Variants in RAB11FIP4 observed in about 807,000 individuals in gnomAD.
The protein encoded by RAB11FIP4 is RAB11 family interacting protein 4.
RAB11FIP4 carries 23 observed loss-of-function variants against 74.3 expected under a neutral mutation model. The ratio of observed to expected loss-of-function variants is 0.31; its 90% CI spans 0.22 to 0.44. The LOEUF is 0.44. RAB11FIP4 is among the 20% of genes least tolerant of loss of function. RAB11FIP4 has a pLI of 1.00. For missense variants in RAB11FIP4, 630 were observed against 863.9 expected (o/e 0.73, Z 3.39); for synonymous variants, 360 against 359.9 (o/e 1.00, Z 0.00).
At chr17:31,531,489 A>G in intron 14 of RAB11FIP4, 127 bp from the exon 15 acceptor site, 1 of 688,532 alleles carries the variant, frequency 1.5e-6, no homozygotes, top group Admixed American at 2.3e-5. Flanking sequence ...CCTGGGGCCC[A>G]CCTTGCCCAG....
intron 3 of RAB11FIP4, among the ~76,000 whole-genome samples, chr17:31,489,674 C>T (rs183503170): frequency 2.0e-5 from 3 of 152,326 alleles, no homozygotes; most frequent in African/African-American, 7.2e-5. Context: ...CCCAGCTCTT[C>T]TAAGTTGATT....
intron 3 of RAB11FIP4, among the ~76,000 whole-genome samples, chr17:31,503,901 T>C (rs1243510984): frequency 2.0e-5 from 3 of 149,684 alleles, no homozygotes; most frequent in Non-Finnish European, 2.9e-5. Context: ...AAGATCCGAA[T>C]AGACATTTCT....
At chr17:31,471,997 C>T (rs2071741754) in intron 3 of RAB11FIP4, among the ~76,000 whole-genome samples, 1 of 152,052 alleles carries the variant, frequency 6.6e-6, no homozygotes, top group Admixed American at 6.5e-5. Flanking sequence ...CCCATCTCTA[C>T]TAAAAATACA....
At position 31,537,397 on chromosome 17, in the gene RAB11FIP4, C is replaced by T. The variant is rs900934674; in HGVS notation, c.*5665C>T. 6 of 394,992 alleles carry T rather than the reference C, an allele frequency of 1.5e-5. No individual in the cohort carries two copies. In the East Asian group the frequency reaches 1.8e-4, roughly 12 times the overall value. 24.5% of individuals were successfully genotyped at this position (394,992 alleles called of 1,614,324 possible). On this transcript the variant is annotated 3_prime_UTR_variant, in exon 15 of 15. Transcript: ENST00000621161. ...TTGTCTTAAGCATGGGGGGCTAGGA[C>T]CCACTTAGTCCCTCCTCCAGCCTGC... is the stretch of plus-strand genomic sequence containing the variant.
chr17:31,424,576 ATT>A (rs71142050), intron 1 of RAB11FIP4, among the ~76,000 whole-genome samples: 1,504 of 124,548 alleles, frequency 0.012, 15 homozygotes, highest in Middle Eastern at 0.029. Flanking sequence ...CACCCAGCTA[ATT>A]TTTTTTTTTT....
chr17:31,402,490 A>G (rs1353572201), intron 1 of RAB11FIP4, among the ~76,000 whole-genome samples: 3 of 152,148 alleles, frequency 2.0e-5, no homozygotes, highest in Non-Finnish European at 2.9e-5. Context: ...CCTGCCCTCT[A>G]TGGAATCAAC....
At chr17:31,428,532 G>A (rs117253608) in intron 1 of RAB11FIP4, among the ~76,000 whole-genome samples, 1,582 of 152,170 alleles carry the variant, frequency 0.01, 70 homozygotes, top group East Asian at 0.081. Context: ...AGATACTGAT[G>A]GTGATTATTA....
intron 3 of RAB11FIP4, among the ~76,000 whole-genome samples, chr17:31,514,092 G>T (rs2072502031): frequency 6.6e-6 from 1 of 152,258 alleles, no homozygotes; most frequent in Non-Finnish European, 1.5e-5. Context: ...CGAGGAGGTG[G>T]TGGTCTTCTT....
At chr17:31,427,784 G>A (rs1372479624) in intron 1 of RAB11FIP4, among the ~76,000 whole-genome samples, 4 of 152,216 alleles carry the variant, frequency 2.6e-5, no homozygotes, top group African/African-American at 9.7e-5. Flanking sequence ...AAAGGCAGGA[G>A]GAGAGGAGGC....
At chr17:31,445,422 TAAG>T (rs1203939186) in intron 3 of RAB11FIP4, among the ~76,000 whole-genome samples, 2 of 151,080 alleles carry the variant, frequency 1.3e-5, no homozygotes, top group Admixed American at 6.6e-5. Context: ...TGGCCATTCC[TAAG>T]AAGGACACTC....
chr17:31,488,856 G>T (rs1783466122), intron 3 of RAB11FIP4, among the ~76,000 whole-genome samples: 1 of 152,136 alleles, frequency 6.6e-6, no homozygotes, highest in African/African-American at 2.4e-5. Context: ...GGAGCTGTTG[G>T]CACAGCCGCT....
At chr17:31,516,759 G>T (rs1451558612) in intron 3 of RAB11FIP4, among the ~76,000 whole-genome samples, 1 of 152,360 alleles carries the variant, frequency 6.6e-6, no homozygotes, top group South Asian at 2.1e-4. Flanking sequence ...GAGCCACCGT[G>T]CCTAGAGATT....
chr17:31,528,071 C>T (rs1206396479), intron 11 of RAB11FIP4, 148 bp downstream of exon 11: 4 of 695,774 alleles, frequency 5.7e-6, no homozygotes, highest in Non-Finnish European at 9.6e-6. Flanking sequence ...TCTGATTTTC[C>T]AAGTTTTCTA....
intron 13 of RAB11FIP4, among the ~76,000 whole-genome samples, chr17:31,529,450 T>C (rs2072828457): frequency 6.6e-6 from 1 of 152,188 alleles, no homozygotes; most frequent in Non-Finnish European, 1.5e-5. Flanking sequence ...TATGTATTTA[T>C]TTCCAGAGAT....
intron 2 of RAB11FIP4, among the ~76,000 whole-genome samples, chr17:31,432,359 T>C (rs2071318946): frequency 2.0e-5 from 3 of 149,506 alleles, no homozygotes. Context: ...GCCTCCTCTT[T>C]TTTTTTTTTT....
chr17:31,453,591 A>C (rs568635784), intron 3 of RAB11FIP4, among the ~76,000 whole-genome samples: 1 of 151,936 alleles, frequency 6.6e-6, no homozygotes, highest in African/African-American at 2.4e-5. Flanking sequence ...GTAGGAGGTC[A>C]AGGCAGGTGA....
At chr17:31,441,251 C>T (rs2071404945) in intron 3 of RAB11FIP4, among the ~76,000 whole-genome samples, 1 of 152,078 alleles carries the variant, frequency 6.6e-6, no homozygotes, top group Non-Finnish European at 1.5e-5. Flanking sequence ...GTCTCAAACT[C>T]CTGACCTCAG....
At chr17:31,522,516 G>C in intron 7 of RAB11FIP4, 121 bp downstream of exon 7, 1 of 958,686 alleles carries the variant, frequency 1.0e-6, no homozygotes, top group African/African-American at 1.6e-5. Flanking sequence ...GAGCAGAGGG[G>C]AACGAGGCCA....
At chr17:31,461,194 C>T (rs534889844) in intron 3 of RAB11FIP4, among the ~76,000 whole-genome samples, 204 of 152,136 alleles carry the variant, frequency 1.3e-3, no homozygotes, top group African/African-American at 4.8e-3. Flanking sequence ...AGGCCATTTG[C>T]AGCAGAGGTG....
Sources: allele counts gnomAD v4.1 joint callset (sites outside exome capture counted in the v4.1 genomes callset), GRCh38; gene constraint gnomAD v4.1.1; transcripts MANE v1.5; gene names NCBI Gene and HGNC (gene_info 2026-07-23, HGNC 2026-07-21).